Variants in CCSER1 observed in about 807,000 individuals in gnomAD.
CCSER1 encodes serine-rich coiled-coil domain-containing protein 1.
CCSER1 carries 41 observed loss-of-function variants against 82.0 expected under a neutral mutation model. The observed-to-expected ratio is 0.50, with a 90% CI of 0.39 to 0.65. The LOEUF (loss-of-function observed/expected upper bound fraction) is 0.65. Among genes scored for constraint, CCSER1 ranks in the 30% least tolerant of loss-of-function variants. The pLI is 0.00. For missense variants in CCSER1, 1,119 were observed against 1,064.2 expected, an observed-to-expected ratio of 1.05 and a Z score of -0.72; for synonymous variants, 414 against 383.9, an observed-to-expected ratio of 1.08 and a Z score of -0.92.
chr4:90,191,669 G>T (rs1735659405), intron 1 of CCSER1, among the ~76,000 whole-genome samples: 1 of 152,060 alleles, frequency 6.6e-6, no homozygotes, highest in African/African-American at 2.4e-5. Context: ...GAGAGGGGCT[G>T]ATAGTTATGT....
chr4:91,271,345 G>C (rs913178464), intron 10 of CCSER1, among the ~76,000 whole-genome samples: 1 of 152,042 alleles, frequency 6.6e-6, no homozygotes, highest in Non-Finnish European at 1.5e-5. Context: ...GGTGATTTGT[G>C]AGATTTTGGT....
intron 6 of CCSER1, among the ~76,000 whole-genome samples, chr4:90,685,772 G>A (rs575552559): frequency 4.6e-5 from 7 of 152,226 alleles, no homozygotes; most frequent in East Asian, 1.9e-4. Context: ...AAATCAAACC[G>A]CGATACTGAT....
intron 1 of CCSER1, among the ~76,000 whole-genome samples, chr4:90,235,565 T>C (rs889204985): frequency 2.6e-5 from 4 of 152,220 alleles, no homozygotes; most frequent in African/African-American, 9.6e-5. Context: ...AAGAAATCAC[T>C]CACATTTCAT....
chr4:91,094,930 G>C (rs923033152), intron 10 of CCSER1, among the ~76,000 whole-genome samples: 1 of 152,106 alleles, frequency 6.6e-6, no homozygotes, highest in Non-Finnish European at 1.5e-5. Flanking sequence ...AAAAGGCAAG[G>C]GGCAATCAGG....
chr4:90,620,592 C>T (rs1162803651), intron 5 of CCSER1, among the ~76,000 whole-genome samples: 2 of 152,070 alleles, frequency 1.3e-5, no homozygotes, highest in Non-Finnish European at 2.9e-5. Context: ...TGATATTTCA[C>T]CCTTACTTCT....
At chr4:90,674,987 A>G (rs1733561129) in intron 6 of CCSER1, among the ~76,000 whole-genome samples, 1 of 152,018 alleles carries the variant, frequency 6.6e-6, no homozygotes, top group South Asian at 2.1e-4. Context: ...AATGCAGCAT[A>G]TGCTTAGTAA....
chr4:90,284,606 A>C (rs1729523209), intron 1 of CCSER1, among the ~76,000 whole-genome samples: 1 of 150,226 alleles, frequency 6.7e-6, no homozygotes, highest in African/African-American at 2.5e-5. Context: ...CCATCCTCCC[A>C]TCTTAGCTTC....
At chr4:91,422,555 G>A (rs1172807051) in intron 10 of CCSER1, among the ~76,000 whole-genome samples, 1 of 152,048 alleles carries the variant, frequency 6.6e-6, no homozygotes, top group Non-Finnish European at 1.5e-5. Flanking sequence ...GAGGACATTG[G>A]TGCTTATGAA....
intron 5 of CCSER1, among the ~76,000 whole-genome samples, chr4:90,497,840 G>T (rs9998060): frequency 1.3e-5 from 2 of 152,106 alleles, no homozygotes; most frequent in African/African-American, 4.8e-5. Context: ...TGGGATTCAG[G>T]TCTAGTATAC....
intron 9 of CCSER1, among the ~76,000 whole-genome samples, chr4:91,054,823 T>G (rs1743306666): frequency 6.6e-6 from 1 of 152,168 alleles, no homozygotes; most frequent in Non-Finnish European, 1.5e-5. Context: ...GCATTCCCTT[T>G]GAACAGCATG....
chr4:91,487,281 A>G (rs1343949042), intron 10 of CCSER1, among the ~76,000 whole-genome samples: 2 of 152,108 alleles, frequency 1.3e-5, no homozygotes, highest in Non-Finnish European at 2.9e-5. Context: ...AACTTTGGGA[A>G]ACATAAGTCA....
chr4:90,197,235 AG>A (rs1484096207), intron 1 of CCSER1, among the ~76,000 whole-genome samples: 2 of 152,170 alleles, frequency 1.3e-5, no homozygotes. Flanking sequence ...AAGGTATGGT[AG>A]AAGGGGTGCC....
At chr4:90,262,621 C>T (rs527761302) in intron 1 of CCSER1, among the ~76,000 whole-genome samples, 1 of 152,176 alleles carries the variant, frequency 6.6e-6, no homozygotes, top group South Asian at 2.1e-4. Context: ...TGGGTAGATG[C>T]AATACCCAAT....
chr4:90,178,016 CA>C (rs1733025794), intron 1 of CCSER1, among the ~76,000 whole-genome samples: 3 of 151,978 alleles, frequency 2.0e-5, no homozygotes, highest in Non-Finnish European at 2.9e-5. Flanking sequence ...TGGAAATATT[CA>C]AAAATCCGAA....
At chr4:91,217,469 T>C (rs897166779) in intron 10 of CCSER1, among the ~76,000 whole-genome samples, 2 of 152,168 alleles carry the variant, frequency 1.3e-5, no homozygotes, top group Admixed American at 6.5e-5. Flanking sequence ...AGAGTGTGGA[T>C]TGGTGCATTC....
chr4:90,911,358 G>T (rs948232378), intron 8 of CCSER1: 1 of 455,924 alleles, frequency 2.2e-6, no homozygotes, highest in African/African-American at 2.0e-5. Context: ...CCCATTAAAG[G>T]TGGGTGACAA....
At chr4:91,025,694 A>C (rs899289258) in intron 9 of CCSER1, among the ~76,000 whole-genome samples, 1 of 152,196 alleles carries the variant, frequency 6.6e-6, no homozygotes, top group Non-Finnish European at 1.5e-5. Context: ...TACCCACTGC[A>C]CTGAGCTAAG....
At chr4:91,504,608 A>G (rs1329991810) in intron 10 of CCSER1, among the ~76,000 whole-genome samples, 1 of 152,152 alleles carries the variant, frequency 6.6e-6, no homozygotes, top group South Asian at 2.1e-4. Context: ...ATTTTATTGT[A>G]CTTTATCATT....
chr4:91,545,277 G>T, intron 10 of CCSER1, among the ~76,000 whole-genome samples: 1 of 152,078 alleles, frequency 6.6e-6, no homozygotes, highest in South Asian at 2.1e-4. Flanking sequence ...TGCACTTCCT[G>T]GGTGAGGTGA....
Sources: allele counts gnomAD v4.1 joint callset (sites outside exome capture counted in the v4.1 genomes callset), GRCh38; gene constraint gnomAD v4.1.1; transcripts MANE v1.5; gene names NCBI Gene and HGNC (gene_info 2026-07-23, HGNC 2026-07-21).